LIN7A: variants seen among roughly 807,000 people sequenced by gnomAD.
LIN7A encodes the protein lin-7 cell polarity scaffold A.
Under a neutral mutation model 29.8 loss-of-function variants are expected in LIN7A, and 25 were observed. The observed-to-expected ratio is 0.84, with a 90% confidence interval of 0.61 to 1.17. LIN7A has a LOEUF of 1.17. LIN7A is among the 50% of genes most tolerant of loss of function. LIN7A has a pLI of 0.00. For missense variants in LIN7A, 239 were observed against 287.0 expected (o/e 0.83, Z 1.21); for synonymous variants, 118 against 107.5 (o/e 1.10, Z -0.60).
At chr12:80,798,786 CT>C (rs200030464) in intron 5 of LIN7A, among the ~76,000 whole-genome samples, 14,089 of 144,656 alleles carry the variant, frequency 0.097, 671 homozygotes, top group East Asian at 0.19. Context: ...AGACTGAGTT[CT>C]TTTTTTTTTT....
At chr12:80,931,736 C>T (rs1877922279) in intron 1 of LIN7A, among the ~76,000 whole-genome samples, 1 of 151,806 alleles carries the variant, frequency 6.6e-6, no homozygotes, top group Non-Finnish European at 1.5e-5. Flanking sequence ...TAAAAAAGTT[C>T]AGTTCAATTT....
In LIN7A at chr12:80,796,732, T is replaced by C. The variant is rs1007826756; in HGVS notation, c.*995A>G. 4.6e-5 allele frequency: 7 copies of C among 152,164 alleles called. No homozygotes were observed. Among genetic ancestry groups the C allele is most frequent in the Non-Finnish European group, 7.4e-5 (5 of 68,018 alleles). 9.4% of individuals were successfully genotyped at this position (152,164 alleles called of 1,614,324 possible). ...CACATATAATTTAGTTTTGCTAAGCTTTAAAATATGAAATAGGCTTCTATG... is the reference window on the plus strand; with the variant it reads ...CACATATAATTTAGTTTTGCTAAGCCTTAAAATATGAAATAGGCTTCTATG... On this transcript the variant is annotated 3_prime_UTR_variant, in exon 6 of 6. Coordinates refer to ENST00000552864, the MANE Select transcript of LIN7A (RefSeq NM_004664.4).
chr12:80,830,003 T>G (rs1467067196), intron 4 of LIN7A, among the ~76,000 whole-genome samples: 1 of 152,166 alleles, frequency 6.6e-6, no homozygotes, highest in Non-Finnish European at 1.5e-5. Context: ...CAGGCTGAAG[T>G]CTTTCAGCCT....
At chr12:80,852,753 T>C (rs1446030770) in intron 2 of LIN7A, among the ~76,000 whole-genome samples, 2 of 152,174 alleles carry the variant, frequency 1.3e-5, no homozygotes, top group African/African-American at 4.8e-5. Flanking sequence ...TATTTTGATG[T>C]TATTTAAAAC....
At chr12:80,827,982 C>T (rs1236910758) in intron 4 of LIN7A, among the ~76,000 whole-genome samples, 4 of 151,974 alleles carry the variant, frequency 2.6e-5, no homozygotes, top group African/African-American at 4.8e-5. Context: ...CTAGCTTCTT[C>T]ACATAAAGTT....
chr12:80,819,050 G>A (rs1039516669), intron 4 of LIN7A, among the ~76,000 whole-genome samples: 8 of 152,100 alleles, frequency 5.3e-5, no homozygotes, highest in African/African-American at 1.9e-4. Context: ...GTTACCCAGG[G>A]TCAATCAAGG....
chr12:80,927,111 C>T (rs1877630072), intron 1 of LIN7A, among the ~76,000 whole-genome samples: 1 of 145,080 alleles, frequency 6.9e-6, no homozygotes, highest in African/African-American at 2.5e-5. Flanking sequence ...CTCCTTTAAT[C>T]TGTTAGTGTA....
intron 5 of LIN7A, among the ~76,000 whole-genome samples, chr12:80,804,540 ATT>A (rs35579064): frequency 2.8e-5 from 4 of 145,274 alleles, no homozygotes; most frequent in South Asian, 4.4e-4. Flanking sequence ...AAATTACTGA[ATT>A]TTTTTTTTTT....
At chr12:80,876,052 T>TACACACAC (rs67035673) in intron 2 of LIN7A, among the ~76,000 whole-genome samples, 45 of 148,226 alleles carry the variant, frequency 3.0e-4, no homozygotes, top group African/African-American at 1.1e-3. Flanking sequence ...ATTATTTTTA[T>TACACACAC]ACACACACAC....
At chr12:80,883,659 T>C (rs1401245204) in intron 2 of LIN7A, among the ~76,000 whole-genome samples, 1 of 152,210 alleles carries the variant, frequency 6.6e-6, no homozygotes, top group African/African-American at 2.4e-5. Context: ...CCACACACTG[T>C]ACTAGGTAGC....
chr12:80,834,492 G>A (rs896092715), intron 4 of LIN7A, among the ~76,000 whole-genome samples: 6 of 152,214 alleles, frequency 3.9e-5, no homozygotes, highest in African/African-American at 1.2e-4. Flanking sequence ...AGCAACTAAT[G>A]ATTTTGTATC....
chr12:80,868,545 G>A (rs1462929705), intron 2 of LIN7A, among the ~76,000 whole-genome samples: 1 of 152,132 alleles, frequency 6.6e-6, no homozygotes, highest in Non-Finnish European at 1.5e-5. Context: ...TCCAGCCTGG[G>A]CAACAAGAGC....
chr12:80,855,862 A>G (rs1176963207), intron 2 of LIN7A, among the ~76,000 whole-genome samples: 1 of 152,156 alleles, frequency 6.6e-6, no homozygotes, highest in African/African-American at 2.4e-5. Context: ...TCTACTAAGG[A>G]AGAGATGTTT....
chr12:80,883,377 A>G (rs1875166557), intron 2 of LIN7A, among the ~76,000 whole-genome samples: 1 of 152,232 alleles, frequency 6.6e-6, no homozygotes, highest in South Asian at 2.1e-4. Flanking sequence ...TTTGAAAAGC[A>G]TCAAGAACAA....
chr12:80,878,070 A>C (rs1344940650), intron 2 of LIN7A, among the ~76,000 whole-genome samples: 2 of 152,216 alleles, frequency 1.3e-5, no homozygotes, highest in Admixed American at 6.5e-5. Flanking sequence ...TTATTTTATC[A>C]TTTGTAATAG....
chr12:80,912,437 C>T (rs935831036), intron 1 of LIN7A, among the ~76,000 whole-genome samples: 3 of 151,946 alleles, frequency 2.0e-5, no homozygotes, highest in Non-Finnish European at 4.4e-5. Flanking sequence ...GACTCTAGGC[C>T]GGGCATGGTG....
chr12:80,919,115 T>C (rs1050506802), intron 1 of LIN7A, among the ~76,000 whole-genome samples: 22 of 152,342 alleles, frequency 1.4e-4, no homozygotes, highest in African/African-American at 4.8e-4. Context: ...TCTCATAGAA[T>C]GTATTTCCAT....
chr12:80,890,959 C>G (rs1038623474), intron 1 of LIN7A, among the ~76,000 whole-genome samples: 4 of 151,224 alleles, frequency 2.6e-5, no homozygotes, highest in Non-Finnish European at 5.9e-5. Context: ...ACTCTCAGAG[C>G]TCATTTTTTT....
intron 1 of LIN7A, among the ~76,000 whole-genome samples, chr12:80,898,172 T>C (rs572722404): frequency 2.0e-5 from 3 of 152,354 alleles, no homozygotes; most frequent in Admixed American, 2.0e-4. Flanking sequence ...AGGGGTTCAG[T>C]TGCAATCTTC....
Sources: allele counts gnomAD v4.1 joint callset (sites outside exome capture counted in the v4.1 genomes callset), GRCh38; gene constraint gnomAD v4.1.1; transcripts MANE v1.5; gene names NCBI Gene and HGNC (gene_info 2026-07-23, HGNC 2026-07-21).